ALK: variants seen among roughly 807,000 people sequenced by gnomAD.
The protein encoded by ALK is ALK receptor tyrosine kinase, also known as ALK tyrosine kinase receptor.
Under a neutral mutation model 163.1 loss-of-function variants are expected in ALK, and 74 were observed. That is an observed-to-expected ratio of 0.45 (90% CI 0.38 to 0.55). The LOEUF is 0.55. Among genes scored for constraint, ALK ranks in the 20% least tolerant of loss-of-function variants. The probability of loss-of-function intolerance (pLI) is 0.00; values close to 1 mark genes in which losing one functional copy is unlikely to be tolerated. For missense variants in ALK, 2,063 were observed against 2,105.3 expected, an observed-to-expected ratio of 0.98 and a Z score of 0.39; for synonymous variants, 960 against 843.2, an observed-to-expected ratio of 1.14 and a Z score of -2.40.
intron 1 of ALK, among the ~76,000 whole-genome samples, chr2:29,873,876 C>A (rs1357671115): frequency 6.6e-6 from 1 of 152,008 alleles, no homozygotes; most frequent in African/African-American, 2.4e-5. Flanking sequence ...GCATCAAAAT[C>A]GCTTTTAATG....
intron 3 of ALK, among the ~76,000 whole-genome samples, chr2:29,658,543 G>A (rs528019050): frequency 9.2e-5 from 14 of 152,092 alleles, no homozygotes; most frequent in Non-Finnish European, 1.9e-4. Context: ...GACAGCAGTG[G>A]CTAGGTGTAA....
At chr2:29,232,189 G>C in intron 15 of ALK, 115 bp downstream of exon 15, 1 of 1,421,370 alleles carries the variant, frequency 7.0e-7, no homozygotes, top group Non-Finnish European at 9.9e-7. Flanking sequence ...AATATTCAGA[G>C]CTCCTAGCAT....
intron 3 of ALK, among the ~76,000 whole-genome samples, chr2:29,622,149 G>A (rs1290853640): frequency 2.0e-5 from 3 of 152,102 alleles, no homozygotes; most frequent in Non-Finnish European, 4.4e-5. Context: ...AAATCTGATC[G>A]TATATCATCA....
At chr2:29,784,382 T>C (rs928141572) in intron 1 of ALK, among the ~76,000 whole-genome samples, 3 of 152,098 alleles carry the variant, frequency 2.0e-5, no homozygotes, top group African/African-American at 7.2e-5. Flanking sequence ...GGTGAAGAAA[T>C]TGAGGTTGAG....
chr2:29,885,867 T>C (rs1666972815), intron 1 of ALK, among the ~76,000 whole-genome samples: 1 of 152,206 alleles, frequency 6.6e-6, no homozygotes, highest in African/African-American at 2.4e-5. Context: ...GAATTGATAT[T>C]GTATAGAAAC....
chr2:29,429,165 A>G (rs961424510), intron 4 of ALK, among the ~76,000 whole-genome samples: 2 of 152,080 alleles, frequency 1.3e-5, no homozygotes, highest in African/African-American at 4.8e-5. Context: ...ATTATTAAAG[A>G]CTGAATGCTT....
At position 29,370,681 on chromosome 2, in the gene ALK, T is replaced by G. The variant is rs985811652; in HGVS notation, c.1282+13051A>C. Among the ~76,000 whole-genome samples, 7 of 152,316 alleles carry G rather than the reference T, an allele frequency of 4.6e-5. No individual in the cohort carries two copies. The East Asian group carries it at 1.4e-3, about 29-fold the overall frequency. ...AAGCTTATTGCCTCTTAGCTACCAT[T>G]GGCTGGCCATGTGGCTGGCCCTTCC... On this transcript the variant is annotated intron_variant, in intron 5 of 28. Transcript: ENST00000389048.
chr2:29,855,835 T>C (rs891982431), intron 1 of ALK, among the ~76,000 whole-genome samples: 1 of 152,216 alleles, frequency 6.6e-6, no homozygotes, highest in Non-Finnish European at 1.5e-5. Flanking sequence ...TCTTCAATTA[T>C]TTAGTTGTTT....
intron 1 of ALK, among the ~76,000 whole-genome samples, chr2:29,874,316 C>T (rs1017569907): frequency 1.4e-5 from 2 of 139,160 alleles, no homozygotes; most frequent in Non-Finnish European, 3.0e-5. Context: ...GTGCTGTGTT[C>T]GTGTGACAAA....
In ALK at chr2:29,728,033, A is replaced by G. The variant is rs142964017; in HGVS notation, c.668-10336T>C. On this transcript the variant is annotated intron_variant, in intron 1 of 28. Coordinates refer to ENST00000389048, the MANE Select transcript of ALK (RefSeq NM_004304.5). ...TCTATGCCTCACCCACCACAGGAGA[A>G]GGTAGCAAAGAAAGGAGGAGGGAGA... Among the ~76,000 whole-genome samples, 562 of 152,342 alleles carry G rather than the reference A, an allele frequency of 3.7e-3. 3 individuals are homozygous for G. The highest frequency in any genetic ancestry group is 0.012 in the African/African-American group (511 of 41,576).
chr2:29,267,562 CCTCT>C (rs1474139786), intron 11 of ALK, among the ~76,000 whole-genome samples: 1 of 151,866 alleles, frequency 6.6e-6, no homozygotes, highest in Non-Finnish European at 1.5e-5. Flanking sequence ...TGCCCTGTGC[CCTCT>C]CTCTCCTCCC....
intron 3 of ALK, among the ~76,000 whole-genome samples, chr2:29,657,887 A>G (rs1284497689): frequency 6.6e-6 from 1 of 152,078 alleles, no homozygotes; most frequent in Non-Finnish European, 1.5e-5. Flanking sequence ...GAAAAAACAA[A>G]CCAGCAGCTT....
intron 4 of ALK, among the ~76,000 whole-genome samples, chr2:29,520,928 GGTCTTCATTTA>G (rs1558364435): frequency 6.6e-6 from 1 of 152,142 alleles, no homozygotes; most frequent in Non-Finnish European, 1.5e-5. Context: ...CTCTCATCCG[GGTCTTCATTTA>G]TTCCAACATG....
At chr2:29,598,361 T>TG (rs1170243943) in intron 3 of ALK, among the ~76,000 whole-genome samples, 1 of 146,812 alleles carries the variant, frequency 6.8e-6, no homozygotes, top group East Asian at 2.0e-4. Flanking sequence ...ACTAGTTGTT[T>TG]GTTTTTTGTT....
chr2:29,807,294 C>G (rs1172483923), intron 1 of ALK, among the ~76,000 whole-genome samples: 1 of 152,158 alleles, frequency 6.6e-6, no homozygotes, highest in Non-Finnish European at 1.5e-5. Flanking sequence ...CTAAGGAAGC[C>G]AAGGGAGGGT....
At position 29,363,490 on chromosome 2, in the gene ALK, G is replaced by T. The variant is rs977634268; in HGVS notation, c.1282+20242C>A. On this transcript the variant is annotated intron_variant, in intron 5 of 28. Coordinates refer to ENST00000389048, the MANE Select transcript of ALK (RefSeq NM_004304.5). Reference sequence around the variant, plus strand: ...CCTCATCTCTCACACCCTCATGAGAGCTCTGCTTCTACTGAGACATGTCTT... The same window carrying T: ...CCTCATCTCTCACACCCTCATGAGATCTCTGCTTCTACTGAGACATGTCTT... Among the ~76,000 whole-genome samples, 21 of 152,336 alleles carry T rather than the reference G, an allele frequency of 1.4e-4. 1 individual carries two copies. Among genetic ancestry groups the T allele is most frequent in the African/African-American group, 4.1e-4 (17 of 41,580 alleles).
chr2:29,638,022 G>GAT, intron 3 of ALK, among the ~76,000 whole-genome samples: 1 of 151,770 alleles, frequency 6.6e-6, no homozygotes, highest in African/African-American at 2.4e-5. Context: ...AATAAGCAGA[G>GAT]CTCTAGTGTT....
intron 4 of ALK, among the ~76,000 whole-genome samples, chr2:29,420,236 A>G (rs1032513431): frequency 6.6e-6 from 1 of 150,936 alleles, no homozygotes; most frequent in African/African-American, 2.5e-5. Context: ...TTTGATTTTT[A>G]ATGAACAATT....
chr2:29,365,700 G>A (rs1041719766), intron 5 of ALK, among the ~76,000 whole-genome samples: 2 of 152,190 alleles, frequency 1.3e-5, no homozygotes, highest in African/African-American at 4.8e-5. Context: ...ACCAAAAAGG[G>A]TTGGGTATTT....
Sources: gnomAD v4.1 joint callset for allele counts (sites outside exome capture counted in the v4.1 genomes callset) on GRCh38, gnomAD v4.1.1 for gene constraint, MANE v1.5 for transcripts, NCBI Gene and HGNC (gene_info 2026-07-23, HGNC 2026-07-21) for gene names.